PPP1R9A: variants seen among roughly 807,000 people sequenced by gnomAD.
PPP1R9A encodes the protein protein phosphatase 1 regulatory subunit 9A.
In PPP1R9A, 59 loss-of-function variants were observed where a neutral mutation model predicts 141.9. That is an observed-to-expected ratio of 0.42 (90% CI 0.34 to 0.52). The LOEUF (loss-of-function observed/expected upper bound fraction) is 0.52, where lower values mean the gene tolerates loss of function less well. Among genes scored for constraint, PPP1R9A ranks in the 20% least tolerant of loss-of-function variants. The pLI is 0.10. For synonymous variants in PPP1R9A, 500 were observed against 569.7 expected, an observed-to-expected ratio of 0.88 and a Z score of 1.74; for missense variants, 1,444 against 1,611.9, an observed-to-expected ratio of 0.90 and a Z score of 1.78.
intron 2 of PPP1R9A, among the ~76,000 whole-genome samples, chr7:94,918,347 T>C (rs1160309025): frequency 2.6e-5 from 4 of 151,980 alleles, no homozygotes; most frequent in African/African-American, 4.8e-5. Context: ...ATGTTTCAGC[T>C]TCTGCTTGAA....
intron 8 of PPP1R9A, among the ~76,000 whole-genome samples, chr7:95,247,045 G>T (rs148892169): frequency 6.6e-6 from 1 of 152,122 alleles, no homozygotes; most frequent in African/African-American, 2.4e-5. Context: ...GGACCATAGC[G>T]CCACCTTTCT....
At chr7:95,185,610 A>G (rs1435310617) in intron 5 of PPP1R9A, among the ~76,000 whole-genome samples, 2 of 152,142 alleles carry the variant, frequency 1.3e-5, no homozygotes, top group African/African-American at 2.4e-5. Flanking sequence ...GCCTAAGCCA[A>G]TGTCTAGAAG....
chr7:95,204,827 AC>A (rs1255985686), intron 7 of PPP1R9A, among the ~76,000 whole-genome samples: 1 of 142,464 alleles, frequency 7.0e-6, no homozygotes. Flanking sequence ...CACACACCAC[AC>A]ATACCCTCAC....
chr7:95,057,020 C>G (rs1285396602), intron 2 of PPP1R9A, among the ~76,000 whole-genome samples: 1 of 152,084 alleles, frequency 6.6e-6, no homozygotes, highest in Non-Finnish European at 1.5e-5. Flanking sequence ...TTTGATCTCT[C>G]TCTCCATGAC....
intron 2 of PPP1R9A, among the ~76,000 whole-genome samples, chr7:95,070,858 A>C (rs1338135888): frequency 6.6e-6 from 1 of 151,894 alleles, no homozygotes; most frequent in Non-Finnish European, 1.5e-5. Flanking sequence ...GTATTCTATC[A>C]TATGGAAAGA....
intron 4 of PPP1R9A, among the ~76,000 whole-genome samples, chr7:95,147,524 A>G (rs1038500485): frequency 2.6e-5 from 4 of 152,116 alleles, no homozygotes; most frequent in African/African-American, 9.7e-5. Context: ...TAGAACTTCC[A>G]ATACTGTGTT....
At chr7:95,206,375 T>C (rs1434483986) in intron 7 of PPP1R9A, among the ~76,000 whole-genome samples, 2 of 152,192 alleles carry the variant, frequency 1.3e-5, no homozygotes, top group Non-Finnish European at 2.9e-5. Context: ...TTGAGATAAA[T>C]TTGACATAGA....
chr7:94,955,300 T>C (rs1796967513), intron 2 of PPP1R9A, among the ~76,000 whole-genome samples: 1 of 152,120 alleles, frequency 6.6e-6, no homozygotes, highest in Non-Finnish European at 1.5e-5. Context: ...AAACTTAGTA[T>C]AAAATTTTAC....
At chr7:95,202,584 A>G (rs1449508890) in intron 6 of PPP1R9A, 1 of 905,224 alleles carries the variant, frequency 1.1e-6, no homozygotes, top group Non-Finnish European at 1.3e-6. Flanking sequence ...GCCATGGAGG[A>G]TTTCAATAAA....
At chr7:95,141,517 C>T (rs913702652) in intron 4 of PPP1R9A, among the ~76,000 whole-genome samples, 4 of 152,068 alleles carry the variant, frequency 2.6e-5, no homozygotes, top group Non-Finnish European at 5.9e-5. Context: ...ACTTTCCTTT[C>T]CCCCCAGCTC....
intron 6 of PPP1R9A, among the ~76,000 whole-genome samples, chr7:95,200,683 A>G (rs1789366823): frequency 6.6e-6 from 1 of 152,170 alleles, no homozygotes; most frequent in African/African-American, 2.4e-5. Context: ...AAGATTGTTT[A>G]TAGATTTTTT....
In PPP1R9A at chr7:95,243,239, G is replaced by T. The variant is rs558008758; in HGVS notation, c.2113-4234G>T. 2.4e-3 allele frequency among the ~76,000 whole-genome samples: 368 copies of T among 152,262 alleles called. 2 individuals are homozygous for T. Among genetic ancestry groups the T allele is most frequent in the African/African-American group, 8.4e-3 (351 of 41,558 alleles). ...AAAAGACTAAACAAGCCATCCAGCA[G>T]CAGGTTGCCTCTGACCTTTCTCACA... On this transcript the variant is annotated intron_variant, in intron 8 of 19. Transcript: ENST00000433360.
intron 5 of PPP1R9A, among the ~76,000 whole-genome samples, chr7:95,179,778 C>CAAAAAAAAAAAAAAAAAA: frequency 1.0e-5 from 1 of 97,004 alleles, no homozygotes; most frequent in Admixed American, 1.2e-4. Context: ...ACAATAGCTG[C>CAAAAAAAAAAAAAAAAAA]AAAAAAAAAA....
At chr7:94,956,862 G>A (rs1164713824) in intron 2 of PPP1R9A, among the ~76,000 whole-genome samples, 1 of 152,114 alleles carries the variant, frequency 6.6e-6, no homozygotes, top group African/African-American at 2.4e-5. Flanking sequence ...AGATGAGCTA[G>A]CATTAAAGTT....
chr7:94,961,127 C>T (rs1431628925), intron 2 of PPP1R9A, among the ~76,000 whole-genome samples: 1 of 151,478 alleles, frequency 6.6e-6, no homozygotes, highest in African/African-American at 2.4e-5. Context: ...TCACTAACTT[C>T]CTGACTCTTT....
intron 2 of PPP1R9A, among the ~76,000 whole-genome samples, chr7:95,005,582 C>CT (rs1156807651): frequency 6.6e-6 from 1 of 152,130 alleles, no homozygotes; most frequent in Admixed American, 6.5e-5. Context: ...AAATTACAAA[C>CT]TCACCTTGTG....
rs532102656 is a variant in PPP1R9A, at chr7:94,972,484, A to C, written c.1395+60976A>C. Among the ~76,000 whole-genome samples the C allele has an allele frequency of 7.9e-5, 12 of 151,548 alleles. No homozygotes were observed. The South Asian group carries it at 2.5e-3, about 32-fold the overall frequency. On this transcript the variant is annotated intron_variant, in intron 2 of 19. Coordinates refer to ENST00000433360, the MANE Select transcript of PPP1R9A (RefSeq NM_001166160.2). ...GTGACCTCTACCTTGGCCCTGACTCAGCTGGTATGATGGTTCTTTGTGCAA... is the reference window on the plus strand; with the variant it reads ...GTGACCTCTACCTTGGCCCTGACTCCGCTGGTATGATGGTTCTTTGTGCAA...
At position 94,999,780 on chromosome 7, in the gene PPP1R9A, TA is replaced by T. The variant is rs1460882148; in HGVS notation, c.1395+88273del. On this transcript the variant is annotated intron_variant, in intron 2 of 19. Transcript: ENST00000433360. ...CAAAACCAGCTGAGATATCTTATTT[TA>T]TTTATTTATTTATTTATTTATTTAT... is the stretch of plus-strand genomic sequence containing the variant. 6.6e-3 allele frequency among the ~76,000 whole-genome samples: 584 copies of T among 89,116 alleles called. 18 individuals carry two copies. The highest frequency in any genetic ancestry group is 0.037 in the East Asian group (170 of 4,568). The allele number at this position is 89,116 out of a possible 152,430, so 58.5% of individuals were successfully genotyped here.
intron 2 of PPP1R9A, among the ~76,000 whole-genome samples, chr7:95,053,960 G>A (rs558269547): frequency 1.3e-5 from 2 of 152,206 alleles, no homozygotes; most frequent in East Asian, 1.9e-4. Context: ...ACAAAACAAC[G>A]TTTAGCCTAA....
Sources: gnomAD v4.1 joint callset for allele counts (sites outside exome capture counted in the v4.1 genomes callset) on GRCh38, gnomAD v4.1.1 for gene constraint, MANE v1.5 for transcripts, NCBI Gene and HGNC (gene_info 2026-07-23, HGNC 2026-07-21) for gene names.